The following APAF1 variants were observed in gnomAD, a reference collection of about 807,000 sequenced individuals.
APAF1 encodes the protein apoptotic peptidase activating factor 1, also known as apoptotic protease-activating factor 1.
APAF1 carries 91 observed loss-of-function variants against 152.4 expected under a neutral mutation model. The observed-to-expected ratio is 0.60, with a 90% CI of 0.50 to 0.71. APAF1 has a LOEUF of 0.71. Among genes scored for constraint, APAF1 ranks in the 30% least tolerant of loss-of-function variants. The pLI is 0.00. For synonymous variants in APAF1, 484 were observed against 494.1 expected, an observed-to-expected ratio of 0.98 and a Z score of 0.27; for missense variants, 1,283 against 1,472.0, an observed-to-expected ratio of 0.87 and a Z score of 2.10.
At chr12:98,711,490 A>C (rs2097727888) in intron 20 of APAF1, among the ~76,000 whole-genome samples, 1 of 152,204 alleles carries the variant, frequency 6.6e-6, no homozygotes, top group Non-Finnish European at 1.5e-5. Flanking sequence ...AATAGATCAA[A>C]ATGTGCTATG....
At position 98,725,479 on chromosome 12, in the gene APAF1, G is replaced by T; in HGVS notation, c.3395G>T (p.Cys1132Phe). Reference sequence around the variant, plus strand: ...AGGGGCCACAACGGCTGTGTGCGCTGCTCTGCCTTCTCTGTGGACAGTACC... The same window carrying T: ...AGGGGCCACAACGGCTGTGTGCGCTTCTCTGCCTTCTCTGTGGACAGTACC... ...ELRGHNGCVR[C>F]SAFSVDSTLL... Residue 1132 changes from cysteine to phenylalanine, a missense_variant, in exon 25 of 27, where the codon TGC becomes TTC. Coordinates refer to ENST00000551964, the MANE Select transcript of APAF1 (RefSeq NM_181861.2). The T allele has an allele frequency of 6.2e-7, 1 of 1,614,118 alleles. No homozygotes were observed. Among genetic ancestry groups the T allele is most frequent in the Non-Finnish European group, 8.5e-7 (1 of 1,180,012 alleles).
At position 98,732,290 on chromosome 12, in the gene APAF1, C is replaced by T. The variant is rs117894982; in HGVS notation, c.3601-130C>T. 988 of 790,150 alleles carry T rather than the reference C, an allele frequency of 1.3e-3. 14 individuals carry two copies. The East Asian group carries it at 0.021, about 17-fold the overall frequency. The allele number at this position is 790,150 out of a possible 1,614,324, so 48.9% of individuals were successfully genotyped here. A position where few individuals can be genotyped will look rare whatever the true frequency, so the allele number is the denominator to read the frequency against. ...TGAATAGTATATTCAGCATTAAATC[C>T]GAGACATTTTCCTCCTGTTTGCTTG... On this transcript the variant is annotated intron_variant, in intron 26 of 26. Transcript: ENST00000551964.
chr12:98,694,341 A>G (rs767561383), intron 16 of APAF1, among the ~76,000 whole-genome samples: 1 of 152,210 alleles, frequency 6.6e-6, no homozygotes, highest in Non-Finnish European at 1.5e-5. Context: ...TGCCTACAGA[A>G]TGGTGGCTTC....
In APAF1 at chr12:98,665,726, G is replaced by C. The variant is rs773700554; in HGVS notation, c.1129G>C (p.Glu377Gln). The C allele has an allele frequency of 6.8e-6, 11 of 1,614,002 alleles. 1 individual carries two copies. The South Asian group carries it at 1.2e-4, about 18-fold the overall frequency. ...GTCTATAAGTGTTGAAATGCTCAGA[G>C]AAGACATCAAAGATTATTACACAGA... ...AMSISVEMLREDIKDYYTDLS... is the reference protein window; with the variant it reads ...AMSISVEMLRQDIKDYYTDLS... Residue 377 changes from glutamate (E) to glutamine (Q), a missense_variant, in exon 8 of 27, where the codon GAA (glutamate) becomes CAA (glutamine). Coordinates refer to ENST00000551964, the MANE Select transcript of APAF1 (RefSeq NM_181861.2).
intron 22 of APAF1, among the ~76,000 whole-genome samples, chr12:98,718,049 A>G (rs987943608): frequency 1.3e-5 from 2 of 152,262 alleles, no homozygotes; most frequent in East Asian, 1.9e-4. Context: ...TTGGATCTCA[A>G]CATTTAGTAT....
At chr12:98,695,362 CTT>C (rs1555219354) in intron 16 of APAF1, among the ~76,000 whole-genome samples, 4 of 141,780 alleles carry the variant, frequency 2.8e-5, no homozygotes, top group South Asian at 2.3e-4. Flanking sequence ...CGCCCCCCCC[CTT>C]TTTTTTTTTT....
At chr12:98,707,568 C>T (rs942243869) in intron 19 of APAF1, among the ~76,000 whole-genome samples, 37 of 152,040 alleles carry the variant, frequency 2.4e-4, no homozygotes, top group African/African-American at 8.2e-4. Flanking sequence ...ACGTATCTTA[C>T]ATTATAAGCT....
At position 98,733,775 on chromosome 12, in the gene APAF1, G is replaced by C. The variant is rs1220007150; in HGVS notation, c.*1209G>C. 1 of 152,210 alleles carries C rather than the reference G, an allele frequency of 6.6e-6. No individual in the cohort carries two copies. The highest frequency in any genetic ancestry group is 1.9e-4 in the East Asian group (1 of 5,198). The allele number at this position is 152,210 out of a possible 1,614,324, so 9.4% of individuals were successfully genotyped here. A position where few individuals can be genotyped will look rare whatever the true frequency, so the allele number is the denominator to read the frequency against. Reference sequence around the variant, plus strand: ...TGAAGTAAAACTTGTATGTTGGAAAGAGTAGATTTTATTGGTCTACCCTTT... The same window carrying C: ...TGAAGTAAAACTTGTATGTTGGAAACAGTAGATTTTATTGGTCTACCCTTT... On this transcript the variant is annotated 3_prime_UTR_variant, in exon 27 of 27. Coordinates refer to ENST00000551964, the MANE Select transcript of APAF1 (RefSeq NM_181861.2).
chr12:98,701,829 T>C (rs921796942), intron 17 of APAF1, among the ~76,000 whole-genome samples: 9 of 152,244 alleles, frequency 5.9e-5, no homozygotes, highest in African/African-American at 2.2e-4. Context: ...CCAATTCCTA[T>C]GTGAGTCTAC....
chr12:98,664,463 A>G (rs2097669671), intron 7 of APAF1, among the ~76,000 whole-genome samples: 1 of 152,322 alleles, frequency 6.6e-6, no homozygotes, highest in South Asian at 2.1e-4. Flanking sequence ...TATTAGCATC[A>G]TGAGAGTATT....
At position 98,733,015 on chromosome 12, in the gene APAF1, T is replaced by C; in HGVS notation, c.*449T>C. 5.9e-6 allele frequency: 1 copy of C among 169,654 alleles called. No homozygotes were observed. Among genetic ancestry groups the C allele is most frequent in the Admixed American group, 6.0e-5 (1 of 16,584 alleles). 10.5% of individuals were successfully genotyped at this position (169,654 alleles called of 1,614,324 possible). On this transcript the variant is annotated 3_prime_UTR_variant, in exon 27 of 27. Transcript: ENST00000551964. ...GGGGGTTTTGTTCTCCTAAATACAATCTTAGAGGTTTTTTGCACTCTTTAA... is the reference window on the plus strand; with the variant it reads ...GGGGGTTTTGTTCTCCTAAATACAACCTTAGAGGTTTTTTGCACTCTTTAA...
intron 14 of APAF1, among the ~76,000 whole-genome samples, chr12:98,682,743 G>A (rs1000606577): frequency 5.3e-5 from 8 of 152,082 alleles, no homozygotes; most frequent in Non-Finnish European, 1.2e-4. Flanking sequence ...GGTAAGTTAG[G>A]GATTTGTGAC....
chr12:98,677,466 GC>G lies in APAF1; in HGVS notation c.1840del (p.His614ThrfsTer17), dbSNP rs1237831196. 2.5e-6 allele frequency: 4 copies of G among 1,613,816 alleles called. No individual in the cohort carries two copies. Among genetic ancestry groups the G allele is most frequent in the Non-Finnish European group, 3.4e-6 (4 of 1,179,960 alleles). ...ACGAATCTTTCCCGCTTAGTTGTCC[GC>G]CCCCACACAGATGCTGTTTACCATG... ...NITNLSRLVV[R>X]PHTDAVYHAC... On this transcript the variant is annotated frameshift_variant, in exon 13 of 27. Transcript: ENST00000551964. LOFTEE classifies it high-confidence loss of function.
intron 15 of APAF1, among the ~76,000 whole-genome samples, chr12:98,684,521 T>C: frequency 8.2e-6 from 1 of 121,660 alleles, no homozygotes; most frequent in Non-Finnish European, 1.7e-5. Context: ...CCCCCTCTCA[T>C]TCTCTCTCAT....
At chr12:98,700,686 G>A (rs2097714449) in intron 17 of APAF1, among the ~76,000 whole-genome samples, 1 of 152,158 alleles carries the variant, frequency 6.6e-6, no homozygotes, top group Admixed American at 6.5e-5. Context: ...CATTCACAAT[G>A]CTGTGTAGCC....
rs2097728817 is a variant in APAF1 at position 98,712,304 on chromosome 12, C to T, written c.2842-15C>T. 4 of 1,519,196 alleles carry T rather than the reference C, an allele frequency of 2.6e-6. No individual in the cohort carries two copies. Among genetic ancestry groups the T allele is most frequent in the Admixed American group, 3.3e-5 (2 of 59,854 alleles). The allele number at this position is 1,519,196 out of a possible 1,614,324, so 94.1% of individuals were successfully genotyped here. Reference sequence around the variant, plus strand: ...CTTACAGCCTAATAACTGATTTTGCCTCATTTTTCATTAGCTCATTAATGG... The same window carrying T: ...CTTACAGCCTAATAACTGATTTTGCTTCATTTTTCATTAGCTCATTAATGG... On this transcript the variant is annotated splice_polypyrimidine_tract_variant and intron_variant, in intron 20 of 26. Transcript: ENST00000551964.
chr12:98,699,301 A>G lies in APAF1; in HGVS notation c.2305-107A>G. On this transcript the variant is annotated intron_variant, in intron 16 of 26. Coordinates refer to ENST00000551964, the MANE Select transcript of APAF1 (RefSeq NM_181861.2). ...AGTCATGCATAGGTAAAAATAATTC[A>G]TCAAGTGAAGTGAATAAGTTTATGT... 4 of 1,104,000 alleles carry G rather than the reference A, an allele frequency of 3.6e-6. No individual in the cohort carries two copies. In the South Asian group the frequency reaches 4.3e-5, roughly 12 times the overall value. 68.4% of individuals were successfully genotyped at this position (1,104,000 alleles called of 1,614,324 possible). A position where few individuals can be genotyped will look rare whatever the true frequency, so the allele number is the denominator to read the frequency against.
chr12:98,661,465 CTTTATT>C (rs922354426), intron 5 of APAF1, among the ~76,000 whole-genome samples: 6 of 151,778 alleles, frequency 4.0e-5, no homozygotes, highest in Non-Finnish European at 7.4e-5. Flanking sequence ...TAGAGTATTT[CTTTATT>C]TTTATTTTTA....
intron 7 of APAF1, among the ~76,000 whole-genome samples, chr12:98,664,231 G>A (rs1829268469): frequency 1.3e-5 from 2 of 150,442 alleles, no homozygotes; most frequent in East Asian, 2.0e-4. Context: ...CTTGGCCAGG[G>A]TAGTCTTGAA....
Sources: gnomAD v4.1 joint callset for allele counts (sites outside exome capture counted in the v4.1 genomes callset) on GRCh38, gnomAD v4.1.1 for gene constraint, MANE v1.5 for transcripts, NCBI Gene and HGNC (gene_info 2026-07-23, HGNC 2026-07-21) for gene names.